Variants in GOLGA1 observed in about 807,000 individuals in gnomAD.
The protein encoded by GOLGA1 is golgin subfamily A member 1.
GOLGA1 carries 63 observed loss-of-function variants against 119.7 expected under a neutral mutation model. That is an observed-to-expected ratio of 0.53 (90% CI 0.43 to 0.65). The LOEUF (loss-of-function observed/expected upper bound fraction) is 0.65. GOLGA1 is among the 30% of genes least tolerant of loss of function. GOLGA1 has a pLI of 0.00. For synonymous variants in GOLGA1, 318 were observed against 333.4 expected (o/e 0.95, Z 0.50); for missense variants, 798 against 912.8 (o/e 0.87, Z 1.62).
At chr9:124,884,544 C>CA (rs1829672223) in intron 19 of GOLGA1, among the ~76,000 whole-genome samples, 2 of 152,158 alleles carry the variant, frequency 1.3e-5, no homozygotes, top group South Asian at 4.1e-4. Flanking sequence ...CCACTTTAAA[C>CA]AAAGCTGGGA....
intron 3 of GOLGA1, among the ~76,000 whole-genome samples, chr9:124,935,211 T>TTTC (rs1830840806): frequency 2.0e-5 from 3 of 152,206 alleles, no homozygotes; most frequent in Non-Finnish European, 2.9e-5. Context: ...TTTCAGATTT[T>TTTC]GGAATGTCTG....
At chr9:124,922,778 TA>T (rs906221215) in intron 8 of GOLGA1, among the ~76,000 whole-genome samples, 35 of 146,372 alleles carry the variant, frequency 2.4e-4, no homozygotes, top group African/African-American at 2.2e-4. Flanking sequence ...TCCATCTATT[TA>T]AAAAAAAAAA....
intron 3 of GOLGA1, among the ~76,000 whole-genome samples, chr9:124,937,472 C>CA (rs1183491514): frequency 3.3e-5 from 5 of 149,666 alleles, no homozygotes; most frequent in Non-Finnish European, 5.9e-5. Flanking sequence ...AAACTAAAAA[C>CA]AAAAAAAAAT....
rs1457088191 is a variant in GOLGA1 at position 124,906,466 on chromosome 9, C to T, written c.1065+1911G>A. ...AAAGATTAAAAATAAGATACCATCACAGGCCGGGCGCGGTGGCTCACGCCT... is the reference window on the plus strand; with the variant it reads ...AAAGATTAAAAATAAGATACCATCATAGGCCGGGCGCGGTGGCTCACGCCT... On this transcript the variant is annotated intron_variant, in intron 12 of 22. Coordinates refer to ENST00000373555, the MANE Select transcript of GOLGA1 (RefSeq NM_002077.4). Among the ~76,000 whole-genome samples, 3 of 145,778 alleles carry T rather than the reference C, an allele frequency of 2.1e-5. No homozygotes were observed. The East Asian group carries it at 6.3e-4, about 30-fold the overall frequency.
At chr9:124,913,425 A>T (rs1830378190) in intron 10 of GOLGA1, among the ~76,000 whole-genome samples, 1 of 152,208 alleles carries the variant, frequency 6.6e-6, no homozygotes, top group Non-Finnish European at 1.5e-5. Context: ...ACCTCTTTAC[A>T]TGTACTCTGT....
Position 124,911,898 on chromosome 9 carries a change from T to TA in GOLGA1, c.969+2dup, listed in dbSNP as rs1311009109. The TA allele has an allele frequency of 6.2e-7, 1 of 1,611,208 alleles. No homozygotes were observed. The highest frequency in any genetic ancestry group is 1.3e-5 in the African/African-American group (1 of 74,854). ...CAGCCAGCCCAAAGAGAACAGAAGT[T>TA]ACCTCTTTCAGGAGTTCTTGCAAGT... is the stretch of plus-strand genomic sequence containing the variant. On this transcript the variant is annotated splice_region_variant and intron_variant, in intron 11 of 22. Coordinates refer to ENST00000373555, the MANE Select transcript of GOLGA1 (RefSeq NM_002077.4).
At chr9:124,896,607 C>G (rs1387969693) in intron 15 of GOLGA1, among the ~76,000 whole-genome samples, 1 of 152,136 alleles carries the variant, frequency 6.6e-6, no homozygotes, top group Non-Finnish European at 1.5e-5. Flanking sequence ...CAGAGAAATC[C>G]TTTTAAAACA....
At chr9:124,896,839 G>A (rs1335647793) in intron 15 of GOLGA1, among the ~76,000 whole-genome samples, 1 of 152,086 alleles carries the variant, frequency 6.6e-6, no homozygotes, top group East Asian at 1.9e-4. Flanking sequence ...GGCTGAGGTG[G>A]GAGGATTGCT....
chr9:124,923,419 G>C (rs532584295), intron 7 of GOLGA1, among the ~76,000 whole-genome samples, 196 bp from the exon 8 acceptor site: 1 of 152,110 alleles, frequency 6.6e-6, no homozygotes, highest in East Asian at 1.9e-4. Context: ...TTACAGACAT[G>C]AGCCACCACA....
At position 124,921,178 on chromosome 9, in the gene GOLGA1, T is replaced by C; in HGVS notation, c.794A>G (p.Glu265Gly). 6.2e-7 allele frequency: 1 copy of C among 1,613,400 alleles called. No homozygotes were observed. Among genetic ancestry groups the C allele is most frequent in the Non-Finnish European group, 8.5e-7 (1 of 1,179,288 alleles). Residue 265 changes from glutamate to glycine, a missense_variant, in exon 10 of 23, where the codon GAA becomes GGA. Glu to Gly is a moderately conservative substitution (Grantham distance 98). Transcript: ENST00000373555. ...ESKITALEQK[E>G]QELQALIQQL... ...CTGAATGAGTGCTTGGAGCTCTTGT[T>C]CCTTTTGTTCCAGGGCTGTGATCTT...
chr9:124,880,713 C>A (rs947080987), intron 22 of GOLGA1, 103 bp from the exon 23 acceptor site: 99 of 738,362 alleles, frequency 1.3e-4, no homozygotes, highest in Non-Finnish European at 1.9e-4. Flanking sequence ...TCCTGCCCCC[C>A]ACACATCCTG....
chr9:124,904,864 G>A (rs1404578466), intron 12 of GOLGA1, among the ~76,000 whole-genome samples: 2 of 150,390 alleles, frequency 1.3e-5, no homozygotes, highest in African/African-American at 4.9e-5. Context: ...CTTGAACCAG[G>A]ACACAGGAGG....
chr9:124,900,406 G>T, intron 13 of GOLGA1, 46 bp downstream of exon 13: 4 of 967,604 alleles, frequency 4.1e-6, no homozygotes, highest in Non-Finnish European at 5.1e-6. Context: ...GGCCTGGAGA[G>T]AAAGCATTAA....
At chr9:124,886,133 G>C (rs1305412637) in intron 19 of GOLGA1, among the ~76,000 whole-genome samples, 2 of 152,240 alleles carry the variant, frequency 1.3e-5, no homozygotes, top group Non-Finnish European at 2.9e-5. Flanking sequence ...CCGATGTTTT[G>C]AGTTTCAGAC....
At chr9:124,890,721 G>A (rs1829835864) in intron 15 of GOLGA1, among the ~76,000 whole-genome samples, 1 of 152,022 alleles carries the variant, frequency 6.6e-6, no homozygotes. Context: ...ATTGCCCCAC[G>A]AGCACCCCCG....
chr9:124,911,055 C>A (rs1257323000), intron 11 of GOLGA1, among the ~76,000 whole-genome samples: 1 of 152,186 alleles, frequency 6.6e-6, no homozygotes, highest in African/African-American at 2.4e-5. Context: ...CTAGAACCCA[C>A]ATTACACTTC....
chr9:124,921,835 T>C lies in GOLGA1; in HGVS notation c.619A>G (p.Arg207Gly), dbSNP rs1164708241. ...KMEQELEARTRELSRTQEELM... is the reference protein window; with the variant it reads ...KMEQELEARTGELSRTQEELM... ...TCCTCCTGGGTACGACTAAGTTCTC[T>C]GGTTCGTGCCTCCAATTCTTGTTCC... is the stretch of plus-strand genomic sequence containing the variant. The change falls in exon 9 of 23, where the codon AGA (arginine) becomes GGA (glycine). Residue 207 changes from arginine to glycine, a missense_variant. Coordinates refer to ENST00000373555, the MANE Select transcript of GOLGA1 (RefSeq NM_002077.4). The C allele has an allele frequency of 4.3e-6, 7 of 1,613,614 alleles. No individual in the cohort carries two copies. Among genetic ancestry groups the C allele is most frequent in the Admixed American group, 3.3e-5 (2 of 60,020 alleles).
chr9:124,938,082 CAAAA>C (rs200357362), intron 3 of GOLGA1, among the ~76,000 whole-genome samples: 4 of 66,102 alleles, frequency 6.1e-5, no homozygotes, highest in Non-Finnish European at 3.3e-5. Flanking sequence ...GAATCCATCT[CAAAA>C]AAAAAAAAAA....
chr9:124,898,509 T>G (rs750469648), intron 15 of GOLGA1, 40 bp downstream of exon 15: 1 of 1,149,842 alleles, frequency 8.7e-7, no homozygotes, highest in African/African-American at 1.5e-5. Flanking sequence ...GTAGAAAACA[T>G]GAACACTTTT....
Sources: allele counts gnomAD v4.1 joint callset (sites outside exome capture counted in the v4.1 genomes callset), GRCh38; gene constraint gnomAD v4.1.1; transcripts MANE v1.5; gene names NCBI Gene and HGNC (gene_info 2026-07-23, HGNC 2026-07-21).